GPC5: variants seen among roughly 807,000 people sequenced by gnomAD.
GPC5 encodes the protein glypican-5.
GPC5 carries 47 observed loss-of-function variants against 53.9 expected under a neutral mutation model. The observed-to-expected ratio is 0.87, with a 90% CI of 0.69 to 1.11. The LOEUF (loss-of-function observed/expected upper bound fraction) is 1.11. GPC5 is among the 50% of genes most tolerant of loss of function. GPC5 has a pLI of 0.00. For synonymous variants in GPC5, 286 were observed against 263.3 expected, an observed-to-expected ratio of 1.09 and a Z score of -0.84; for missense variants, 748 against 713.1, an observed-to-expected ratio of 1.05 and a Z score of -0.56.
rs3064762 is a variant in GPC5, at chr13:92,512,249, T to TGTGTGTGC, written c.1562-354032_1562-354031insTGTGTGCG. Reference sequence around the variant, plus strand: ...TGTAGATTGTATGTGTGTGTGTGTGTGCGCGCGCGCGCGCGTACGCTGTGT... The same window carrying TGTGTGTGC: ...TGTAGATTGTATGTGTGTGTGTGTGTGTGTGTGCGCGCGCGCGCGCGCGTACGCTGTGT... On this transcript the variant is annotated intron_variant, in intron 7 of 7. Coordinates refer to ENST00000377067, the MANE Select transcript of GPC5 (RefSeq NM_004466.6). 3.8e-3 allele frequency among the ~76,000 whole-genome samples: 573 copies of TGTGTGTGC among 149,566 alleles called. 4 individuals are homozygous for TGTGTGTGC. Among genetic ancestry groups the TGTGTGTGC allele is most frequent in the South Asian group, 0.011 (50 of 4,670 alleles).
chr13:91,495,010 C>T (rs1030363536), intron 2 of GPC5, among the ~76,000 whole-genome samples: 8 of 152,172 alleles, frequency 5.3e-5, no homozygotes, highest in South Asian at 2.1e-4. Context: ...TGCTTGACAT[C>T]GCTATTTGAA....
intron 7 of GPC5, among the ~76,000 whole-genome samples, chr13:92,529,680 A>G (rs1223473170): frequency 1.3e-5 from 2 of 152,198 alleles, no homozygotes. Flanking sequence ...TTCCTAAACT[A>G]TATAAGAAAA....
At chr13:92,033,352 G>T (rs2040868691) in intron 6 of GPC5, among the ~76,000 whole-genome samples, 2 of 152,038 alleles carry the variant, frequency 1.3e-5, no homozygotes, top group African/African-American at 2.4e-5. Context: ...GTATCTTAAT[G>T]CCAGTGTCAT....
At chr13:92,278,200 A>T (rs193082995) in intron 7 of GPC5, among the ~76,000 whole-genome samples, 27 of 152,058 alleles carry the variant, frequency 1.8e-4, no homozygotes, top group African/African-American at 4.8e-4. Context: ...TGGTCTACAT[A>T]TTTAAAATTT....
chr13:92,819,567 T>A (rs142797219), intron 7 of GPC5, among the ~76,000 whole-genome samples: 1 of 152,328 alleles, frequency 6.6e-6, no homozygotes, highest in East Asian at 1.9e-4. Context: ...TCTAAATTAC[T>A]TTTTTTGAAT....
chr13:92,810,704 A>G (rs1356055611), intron 7 of GPC5, among the ~76,000 whole-genome samples: 1 of 151,760 alleles, frequency 6.6e-6, no homozygotes, highest in African/African-American at 2.4e-5. Flanking sequence ...ATCTTTTGGT[A>G]CCTTGTCACC....
chr13:92,095,744 A>G (rs2138903728), intron 6 of GPC5, among the ~76,000 whole-genome samples: 1 of 152,250 alleles, frequency 6.6e-6, no homozygotes, highest in African/African-American at 2.4e-5. Context: ...CACGTTGGTC[A>G]GGCTGGTCTC....
intron 2 of GPC5, among the ~76,000 whole-genome samples, chr13:91,593,604 A>T (rs1027955833): frequency 6.6e-6 from 1 of 152,136 alleles, no homozygotes; most frequent in Non-Finnish European, 1.5e-5. Context: ...TCTCTAGGGC[A>T]TGGCTGCCTC....
intron 5 of GPC5, among the ~76,000 whole-genome samples, chr13:91,863,800 C>T (rs932291548): frequency 6.6e-6 from 1 of 152,118 alleles, no homozygotes; most frequent in African/African-American, 2.4e-5. Flanking sequence ...TGGACACAAA[C>T]CCAGCCTGGA....
chr13:92,765,044 A>G (rs1875340028), intron 7 of GPC5, among the ~76,000 whole-genome samples: 1 of 152,160 alleles, frequency 6.6e-6, no homozygotes, highest in East Asian at 1.9e-4. Context: ...CCTTTTTTCC[A>G]TCAATCTCAT....
intron 7 of GPC5, among the ~76,000 whole-genome samples, chr13:92,615,174 G>A (rs563378452): frequency 6.6e-6 from 1 of 152,276 alleles, no homozygotes; most frequent in East Asian, 1.9e-4. Flanking sequence ...GGAGCCAGAC[G>A]CTAAGCCTCT....
At chr13:92,706,178 T>A (rs1887945441) in intron 7 of GPC5, 1 of 152,124 alleles carries the variant, frequency 6.6e-6, no homozygotes, top group Non-Finnish European at 1.5e-5. Context: ...CTTTAATATC[T>A]CTTTTCCTTT....
chr13:92,776,600 C>T (rs906153413), intron 7 of GPC5, among the ~76,000 whole-genome samples: 18 of 152,114 alleles, frequency 1.2e-4, no homozygotes, highest in African/African-American at 4.3e-4. Flanking sequence ...ATAGAATAGG[C>T]AGATACTTGT....
intron 7 of GPC5, among the ~76,000 whole-genome samples, chr13:92,202,650 T>A (rs1260038095): frequency 6.6e-6 from 1 of 152,216 alleles, no homozygotes; most frequent in Non-Finnish European, 1.5e-5. Context: ...TGCCCATTTA[T>A]TGAAAATGTA....
intron 5 of GPC5, among the ~76,000 whole-genome samples, chr13:91,895,129 G>A (rs970771510): frequency 1.1e-4 from 16 of 151,786 alleles, no homozygotes; most frequent in African/African-American, 2.9e-4. Flanking sequence ...CAGGAAAGGC[G>A]AGCATGGAAG....
At chr13:91,421,641 G>A (rs1878643003) in intron 1 of GPC5, among the ~76,000 whole-genome samples, 3 of 152,116 alleles carry the variant, frequency 2.0e-5, no homozygotes, top group South Asian at 2.1e-4. Context: ...AAAGTTCATG[G>A]AAGAAAATAA....
At chr13:91,572,019 A>ACATGTGTATATATGCATATATGCATC (rs2031884444) in intron 2 of GPC5, among the ~76,000 whole-genome samples, 1 of 130,394 alleles carries the variant, frequency 7.7e-6, no homozygotes, top group Non-Finnish European at 1.6e-5. Context: ...ATATATGCAT[A>ACATGTGTATATATGCATATATGCATC]TACGTGTGTA....
intron 6 of GPC5, among the ~76,000 whole-genome samples, chr13:91,926,901 A>T (rs561206383): frequency 1.3e-5 from 2 of 152,210 alleles, no homozygotes; most frequent in Non-Finnish European, 2.9e-5. Context: ...AAATTGCTAC[A>T]TAGTTTCTAC....
chr13:92,862,997 A>T (rs1455540350), intron 7 of GPC5, among the ~76,000 whole-genome samples: 3 of 152,266 alleles, frequency 2.0e-5, no homozygotes, highest in Non-Finnish European at 4.4e-5. Context: ...GGCCATTCTG[A>T]TTCGTCATCA....
Sources: gnomAD v4.1 joint callset for allele counts (sites outside exome capture counted in the v4.1 genomes callset) on GRCh38, gnomAD v4.1.1 for gene constraint, MANE v1.5 for transcripts, NCBI Gene and HGNC (gene_info 2026-07-23, HGNC 2026-07-21) for gene names.